Variants in SEC14L4 observed in about 807,000 individuals in gnomAD.
SEC14L4 encodes the protein SEC14 like lipid binding 4, also known as SEC14-like protein 4.
Under a neutral mutation model 55.1 loss-of-function variants are expected in SEC14L4, and 42 were observed. That is an observed-to-expected ratio of 0.76 (90% CI 0.60 to 0.99). The LOEUF is 0.99. SEC14L4 is among the 50% of genes least tolerant of loss of function. The pLI is 0.00. For missense variants in SEC14L4, 445 were observed against 512.1 expected, an observed-to-expected ratio of 0.87 and a Z score of 1.27; for synonymous variants, 206 against 206.8, an observed-to-expected ratio of 1.00 and a Z score of 0.03.
chr22:30,494,148 AC>A lies in SEC14L4; in HGVS notation c.580+1del, dbSNP rs776154913. On this transcript the variant is annotated splice_donor_variant, in intron 7 of 11. Coordinates refer to ENST00000255858, the MANE Select transcript of SEC14L4 (RefSeq NM_174977.4). LOFTEE classifies it high-confidence loss of function. ...AGGAGGTCATCCCGGTCATGGGCTT[AC>A]CTCGAATAACAATTAAATTCTTCAG... 1.2e-6 allele frequency: 2 copies of A among 1,611,930 alleles called. No homozygotes were observed. Among genetic ancestry groups the A allele is most frequent in the Admixed American group, 3.3e-5 (2 of 60,000 alleles).
chr22:30,490,805 G>A (rs1296170562), intron 11 of SEC14L4, among the ~76,000 whole-genome samples: 1 of 152,180 alleles, frequency 6.6e-6, no homozygotes, highest in Non-Finnish European at 1.5e-5. Context: ...GCAAGGGAGG[G>A]GAGGTACTGG....
intron 2 of SEC14L4, among the ~76,000 whole-genome samples, chr22:30,497,851 C>T (rs562938294): frequency 1.3e-5 from 2 of 152,288 alleles, no homozygotes; most frequent in South Asian, 2.1e-4. Flanking sequence ...ATGGAAATGT[C>T]CTATACCTGA....
intron 8 of SEC14L4, 99 bp from the exon 9 acceptor site, chr22:30,492,254 G>A (rs570230754): frequency 6.0e-5 from 87 of 1,445,002 alleles, no homozygotes; most frequent in Admixed American, 2.2e-4. Context: ...TGTCCTGGGC[G>A]TGCTCCCCCG....
chr22:30,498,275 G>A (rs1434863240), intron 2 of SEC14L4, among the ~76,000 whole-genome samples: 9 of 151,698 alleles, frequency 5.9e-5, no homozygotes, highest in Non-Finnish European at 1.2e-4. Context: ...GGCATGCACC[G>A]CCATGCCTGG....
intron 2 of SEC14L4, among the ~76,000 whole-genome samples, chr22:30,498,429 T>G (rs1250246004): frequency 6.6e-6 from 1 of 152,188 alleles, no homozygotes; most frequent in Non-Finnish European, 1.5e-5. Context: ...CTGGCAATAT[T>G]GCTGAATTTT....
intron 2 of SEC14L4, among the ~76,000 whole-genome samples, chr22:30,498,266 G>T (rs974853225): frequency 7.2e-5 from 11 of 151,862 alleles, no homozygotes; most frequent in Non-Finnish European, 1.3e-4. Context: ...GGGACTACAG[G>T]CATGCACCGC....
intron 1 of SEC14L4, among the ~76,000 whole-genome samples, chr22:30,504,902 G>A (rs1350614083): frequency 6.6e-6 from 1 of 152,076 alleles, no homozygotes; most frequent in Non-Finnish European, 1.5e-5. Context: ...GGATCACAAG[G>A]TCAGGAGTTC....
intron 2 of SEC14L4, among the ~76,000 whole-genome samples, chr22:30,498,124 CTTTTT>C: frequency 1.0e-5 from 1 of 98,362 alleles, no homozygotes; most frequent in East Asian, 2.9e-4. Flanking sequence ...TTTTCATTAT[CTTTTT>C]TTTTTTTTTT....
chr22:30,489,825 C>T lies in SEC14L4; in HGVS notation c.*282G>A, dbSNP rs1935892323. The stretch of plus-strand genomic sequence containing the variant: ...GAAAGGGCAGCTTCTGCAAGCAGGA[C>T]CCATCCTCAGTGGACTGGATCATCT... On this transcript the variant is annotated 3_prime_UTR_variant, in exon 12 of 12. Transcript: ENST00000255858. 2 of 1,533,594 alleles carry T rather than the reference C, an allele frequency of 1.3e-6. No homozygotes were observed. The highest frequency in any genetic ancestry group is 1.8e-6 in the Non-Finnish European group (2 of 1,130,490). 95.0% of individuals were successfully genotyped at this position (1,533,594 alleles called of 1,614,324 possible).
At chr22:30,495,541 G>A (rs1310255465) in intron 4 of SEC14L4, 42 bp downstream of exon 4, 5 of 1,611,532 alleles carry the variant, frequency 3.1e-6, no homozygotes, top group African/African-American at 2.7e-5. Context: ...TGTCAGGGGT[G>A]AGGGGCCTCA....
intron 2 of SEC14L4, among the ~76,000 whole-genome samples, chr22:30,503,114 C>A (rs1413221578): frequency 1.3e-5 from 2 of 152,238 alleles, no homozygotes; most frequent in African/African-American, 4.8e-5. Flanking sequence ...TAACTGTAAC[C>A]TCACCTGGAC....
chr22:30,494,325 T>C (rs902660364), intron 6 of SEC14L4, 115 bp from the exon 7 acceptor site: 10 of 770,340 alleles, frequency 1.3e-5, no homozygotes, highest in Non-Finnish European at 2.1e-5. Flanking sequence ...CATCCTACCT[T>C]CCCCACAAGC....
At position 30,497,287 on chromosome 22, in the gene SEC14L4, C is replaced by T. The variant is rs138544458; in HGVS notation, c.131-1316G>A. Among the ~76,000 whole-genome samples the T allele has an allele frequency of 3.1e-3, 468 of 152,074 alleles. 1 individual carries two copies. Among genetic ancestry groups the T allele is most frequent in the African/African-American group, 0.011 (442 of 41,484 alleles). On this transcript the variant is annotated intron_variant, in intron 2 of 11. Transcript: ENST00000255858. ...CCAGGAGGCAGAGGTTGCAGTGAGC[C>T]GAGATCGCATCATTGCACTCCAGCC... is the stretch of plus-strand genomic sequence containing the variant.
chr22:30,494,756 C>T, intron 6 of SEC14L4, 110 bp downstream of exon 6: 1 of 726,300 alleles, frequency 1.4e-6, no homozygotes, highest in Non-Finnish European at 2.4e-6. Flanking sequence ...GGAGCCCCTG[C>T]AAGGCATCCC....
intron 2 of SEC14L4, among the ~76,000 whole-genome samples, chr22:30,498,398 G>A (rs768455921): frequency 2.6e-4 from 39 of 152,198 alleles, no homozygotes; most frequent in Middle Eastern, 3.4e-3. Context: ...ACCATGCCCT[G>A]CCCGCTACTG....
chr22:30,503,092 T>C (rs866210534), intron 2 of SEC14L4, among the ~76,000 whole-genome samples: 1 of 152,190 alleles, frequency 6.6e-6, no homozygotes, highest in Non-Finnish European at 1.5e-5. Flanking sequence ...GGCCTGAGGA[T>C]GTCCTGGCTG....
intron 2 of SEC14L4, among the ~76,000 whole-genome samples, chr22:30,502,136 G>A (rs1273625663): frequency 6.6e-6 from 1 of 151,654 alleles, no homozygotes; most frequent in Non-Finnish European, 1.5e-5. Context: ...AAAGTGCTGG[G>A]ATTACAAGCG....
At chr22:30,505,493 G>T in intron 1 of SEC14L4, 65 bp downstream of exon 1, 1 of 1,467,430 alleles carries the variant, frequency 6.8e-7, no homozygotes, top group Non-Finnish European at 9.3e-7. Flanking sequence ...GGCTCCAGCC[G>T]GGTTGGGCAG....
chr22:30,504,812 C>T (rs1411140254), intron 1 of SEC14L4, among the ~76,000 whole-genome samples: 4 of 152,108 alleles, frequency 2.6e-5, no homozygotes, highest in African/African-American at 9.7e-5. Context: ...TCTGTGAATC[C>T]AAATTTGGGA....
Sources: gnomAD v4.1 joint callset for allele counts (sites outside exome capture counted in the v4.1 genomes callset) on GRCh38, gnomAD v4.1.1 for gene constraint, MANE v1.5 for transcripts, NCBI Gene and HGNC (gene_info 2026-07-23, HGNC 2026-07-21) for gene names.